PNCK: variants seen among roughly 807,000 people sequenced by gnomAD.
PNCK encodes calcium/calmodulin-dependent protein kinase type 1B.
In PNCK, 21 loss-of-function variants were observed where a neutral mutation model predicts 28.3. The ratio of observed to expected loss-of-function variants is 0.74; its 90% CI spans 0.53 to 1.07. PNCK has a LOEUF of 1.07. PNCK is among the 50% of genes least tolerant of loss of function. The pLI, the probability that PNCK is intolerant of heterozygous loss-of-function variation, is 0.00. For synonymous variants in PNCK, 136 were observed against 125.2 expected, an observed-to-expected ratio of 1.09 and a Z score of -0.58; for missense variants, 250 against 298.3, an observed-to-expected ratio of 0.84 and a Z score of 1.19.
At chrX:153,673,597 G>A in intron 1 of PNCK, 183 bp downstream of exon 1, 2 of 274,176 alleles carry the variant, frequency 7.3e-6, no homozygotes, top group Non-Finnish European at 1.1e-5. Flanking sequence ...TCGGCGCCGC[G>A]GAGCAGGGGG....
In PNCK at chrX:153,673,808, C is replaced by T. The variant is rs1557041006; in HGVS notation, c.-31G>A. 1.3e-6 allele frequency: 1 copy of T among 750,041 alleles called. No homozygotes were observed. Among genetic ancestry groups the T allele is most frequent in the Non-Finnish European group, 1.6e-6 (1 of 636,800 alleles). 61.8% of individuals were successfully genotyped at this position (750,041 alleles called of 1,213,427 possible). On this transcript the variant is annotated 5_prime_UTR_variant, in exon 1 of 12. Transcript: ENST00000340888. ...GAGCGGGTGCCGCAGCGTCGTGCCG[C>T]GCAGTGGCCGCAGCGCCAAGCCCCC...
At chrX:153,674,369 G>T, upstream of PNCK, 1 of 513,904 alleles carries the variant, frequency 1.9e-6, no homozygotes, top group Non-Finnish European at 2.9e-6. Flanking sequence ...GTCAAAGCAT[G>T]AGTCCTTAGG....
upstream of PNCK, among the ~76,000 whole-genome samples, chrX:153,677,234 A>G (rs781910799): frequency 8.9e-6 from 1 of 111,740 alleles, no homozygotes; most frequent in East Asian, 2.8e-4. Context: ...CACCGCGCCC[A>G]GCCACCTGTG....
At chrX:153,670,155 G>A in intron 11 of PNCK, 25 bp from the exon 12 acceptor site, 2 of 379,315 alleles carry the variant, frequency 5.3e-6, no homozygotes, top group African/African-American at 2.5e-5. Flanking sequence ...CAGAGGGAAA[G>A]GGGGTAGTCA....
upstream of PNCK, among the ~76,000 whole-genome samples, chrX:153,677,573 GTGTATATATAGTGTA>G (rs1351024422): frequency 2.4e-4 from 24 of 101,216 alleles, no homozygotes; most frequent in South Asian, 8.8e-4. Flanking sequence ...TATATATAGT[GTGTATATATAGTGTA>G]TATATATATA....
intron 1 of PNCK, among the ~76,000 whole-genome samples, chrX:153,681,988 A>AGTTTT (rs1557042533): frequency 8.9e-6 from 1 of 111,836 alleles, no homozygotes; most frequent in Non-Finnish European, 1.9e-5. Context: ...ATTACAATAA[A>AGTTTT]GTTTTGTTTT....
In PNCK at chrX:153,671,178, G is replaced by T. The variant is rs782335194; in HGVS notation, c.627C>A (p.Tyr209Ter). Reference protein sequence around the residue: ...GVISYILLCGYPPFYDESDPE... With the variant: ...GVISYILLCG The stretch of plus-strand genomic sequence containing the variant: ...GGTCGCTCTCGTCGTAGAAGGGGGG[G>T]TACCCACACAGCCTGGCACCCACAG... Residue 209 changes from tyrosine to a stop codon, truncating the protein, a stop_gained, in exon 8 of 12, where the codon TAC becomes TAA. Transcript: ENST00000340888. LOFTEE classifies it high-confidence loss of function. 2 of 1,209,993 alleles carry T rather than the reference G, an allele frequency of 1.7e-6. No homozygotes were observed. Among genetic ancestry groups the T allele is most frequent in the Admixed American group, 2.2e-5 (1 of 45,849 alleles).
upstream of PNCK, chrX:153,674,070 A>T: frequency 8.3e-7 from 1 of 1,208,204 alleles, no homozygotes; most frequent in Non-Finnish European, 1.1e-6. Flanking sequence ...TCTCCCGGAG[A>T]GCTCTTCGGC....
At chrX:153,674,592 A>C, upstream of PNCK, 1 of 125,637 alleles carries the variant, frequency 8.0e-6, no homozygotes, top group East Asian at 2.2e-4. Flanking sequence ...TCTCCGCATA[A>C]CCCTGCCCTG....
rs781923868 is a variant in PNCK at position 153,669,900 on chromosome X, G to A, written c.*238C>T. ...ACCCCCTCGGCTTTTGGCGGGGCGG[G>A]GGGGGCAGGGGCGGGAGAGGCAACA... On this transcript the variant is annotated 3_prime_UTR_variant, in exon 12 of 12. Coordinates refer to ENST00000340888, the MANE Select transcript of PNCK (RefSeq NM_001366977.1). 8.8e-6 allele frequency: 3 copies of A among 340,311 alleles called. No homozygotes were observed. The highest frequency in any genetic ancestry group is 7.9e-5 in the African/African-American group (3 of 37,834). The allele number at this position is 340,311 out of a possible 1,213,427, so 28.0% of individuals were successfully genotyped here. A position where few individuals can be genotyped will look rare whatever the true frequency, so the allele number is the denominator to read the frequency against.
chrX:153,672,300 C>A, intron 3 of PNCK, 100 bp from the exon 4 acceptor site: 2 of 945,138 alleles, frequency 2.1e-6, no homozygotes, highest in African/African-American at 2.0e-5. Context: ...CCTCCCACCT[C>A]TGCTCCCCAT....
chrX:153,675,397 A>G (rs1301331297), upstream of PNCK, among the ~76,000 whole-genome samples: 4 of 112,321 alleles, frequency 3.6e-5, no homozygotes, highest in African/African-American at 1.3e-4. Flanking sequence ...CCACCTCCAA[A>G]GTGGGCCTGG....
At chrX:153,679,661 T>TC (rs2091386544), upstream of PNCK, among the ~76,000 whole-genome samples, 1 of 97,798 alleles carries the variant, frequency 1.0e-5, no homozygotes, top group African/African-American at 3.8e-5. Context: ...AACCTCTGCC[T>TC]CCTGAGTTCA....
At chrX:153,677,618 GTATA>G (rs1197328809), upstream of PNCK, among the ~76,000 whole-genome samples, 14 of 82,868 alleles carry the variant, frequency 1.7e-4, no homozygotes, top group African/African-American at 4.9e-4. Flanking sequence ...TATATATAGT[GTATA>G]TATATAGTGT....
In PNCK at chrX:153,670,845, G is replaced by A; in HGVS notation, c.807-14C>T. The A allele has an allele frequency of 8.3e-7, 1 of 1,210,346 alleles. No individual in the cohort carries two copies. The highest frequency in any genetic ancestry group is 1.1e-6 in the Non-Finnish European group (1 of 893,887). ...TCCCCAGAGATCCTGGGGAAAGGCTGAAGGTCAGGGGGGGTCTCTCTGCAA... is the reference window on the plus strand; with the variant it reads ...TCCCCAGAGATCCTGGGGAAAGGCTAAAGGTCAGGGGGGGTCTCTCTGCAA... On this transcript the variant is annotated splice_polypyrimidine_tract_variant and intron_variant, in intron 9 of 11. Transcript: ENST00000340888.
upstream of PNCK, among the ~76,000 whole-genome samples, chrX:153,677,481 G>T (rs139243196): frequency 0.027 from 2,880 of 108,224 alleles, 102 homozygotes; most frequent in African/African-American, 0.09. Context: ...CTGCTTCTAG[G>T]CCCTCTCCAC....
Position 153,671,953 on chromosome X carries a change from C to T in PNCK, c.341G>A (p.Ser114Asn). Reference protein sequence around the residue: ...ERGSYTEKDASHLVGQVLGAV... With the variant: ...ERGSYTEKDANHLVGQVLGAV... ...GCCAAGGACCTGACCCACCAGATGG[C>T]TGGCATCCTTCTCTGTGTAGGAGCC... Residue 114 changes from serine to asparagine, a missense_variant, in exon 5 of 12, where the codon AGC becomes AAC. Transcript: ENST00000340888. 8.3e-7 allele frequency: 1 copy of T among 1,210,749 alleles called. No homozygotes were observed.
At chrX:153,676,541 C>A (rs1557041607), upstream of PNCK, among the ~76,000 whole-genome samples, 3 of 111,494 alleles carry the variant, frequency 2.7e-5, no homozygotes, top group Non-Finnish European at 5.6e-5. Flanking sequence ...ACCCTTTCCG[C>A]AGAAAGTTAA....
At chrX:153,677,492 T>C (rs925174243), upstream of PNCK, among the ~76,000 whole-genome samples, 3 of 108,428 alleles carry the variant, frequency 2.8e-5, no homozygotes, top group Non-Finnish European at 5.7e-5. Context: ...CCCTCTCCAC[T>C]GACAGCAAGA....
Sources: gnomAD v4.1 joint callset for allele counts (sites outside exome capture counted in the v4.1 genomes callset) on GRCh38, gnomAD v4.1.1 for gene constraint, MANE v1.5 for transcripts, NCBI Gene and HGNC (gene_info 2026-07-23, HGNC 2026-07-21) for gene names.